ADAMTSL1: variants seen among roughly 807,000 people sequenced by gnomAD.
ADAMTSL1 encodes the protein ADAMTS like 1.
A neutral mutation model predicts 201.8 loss-of-function variants in ADAMTSL1; 126 were observed. The observed-to-expected ratio is 0.62, with a 90% CI of 0.54 to 0.72. The LOEUF (loss-of-function observed/expected upper bound fraction) is 0.72, where lower values mean the gene tolerates loss of function less well. ADAMTSL1 is among the 30% of genes least tolerant of loss of function. The probability of loss-of-function intolerance (pLI) is 0.00; values close to 1 mark genes in which losing one functional copy is unlikely to be tolerated. For synonymous variants in ADAMTSL1, 1,121 were observed against 903.4 expected, an observed-to-expected ratio of 1.24 and a Z score of -4.32; for missense variants, 2,679 against 2,277.8, an observed-to-expected ratio of 1.18 and a Z score of -3.59.
chr9:18,848,412 A>G (rs1415399353), intron 23 of ADAMTSL1, among the ~76,000 whole-genome samples: 2 of 152,216 alleles, frequency 1.3e-5, no homozygotes, highest in South Asian at 4.1e-4. Context: ...CTGACATTCA[A>G]GGTTCTTTGC....
At chr9:18,666,849 A>G (rs997823157) in intron 9 of ADAMTSL1, among the ~76,000 whole-genome samples, 1 of 152,026 alleles carries the variant, frequency 6.6e-6, no homozygotes, top group Admixed American at 6.6e-5. Flanking sequence ...TTAGCCTTAC[A>G]TATCTTAATC....
At chr9:18,176,007 C>CA (rs57982328) in intron 2 of ADAMTSL1, among the ~76,000 whole-genome samples, 1,769 of 62,522 alleles carry the variant, frequency 0.028, 197 homozygotes, top group African/African-American at 0.11. Context: ...AGAGGGAAAG[C>CA]AAAAAAAAAA....
At chr9:18,253,781 G>A (rs746567583) in intron 2 of ADAMTSL1, among the ~76,000 whole-genome samples, 3 of 151,898 alleles carry the variant, frequency 2.0e-5, no homozygotes, top group Non-Finnish European at 2.9e-5. Flanking sequence ...CATAATTTCC[G>A]GAGATCTCCC....
At chr9:18,566,622 A>C (rs1821912831) in intron 3 of ADAMTSL1, among the ~76,000 whole-genome samples, 1 of 152,196 alleles carries the variant, frequency 6.6e-6, no homozygotes, top group African/African-American at 2.4e-5. Context: ...AATTCCAGGC[A>C]GAAGGGATGG....
At chr9:18,536,681 A>G (rs188935182) in intron 3 of ADAMTSL1, among the ~76,000 whole-genome samples, 1 of 152,308 alleles carries the variant, frequency 6.6e-6, no homozygotes, top group East Asian at 1.9e-4. Context: ...ATTCTAAGGA[A>G]GCAGCAAGGT....
At chr9:18,082,249 A>C (rs1211322557) in intron 1 of ADAMTSL1, among the ~76,000 whole-genome samples, 2 of 152,208 alleles carry the variant, frequency 1.3e-5, no homozygotes, top group Non-Finnish European at 2.9e-5. Flanking sequence ...TGCCCATATT[A>C]AGTTTTGAAG....
At chr9:18,291,745 TCTCA>T (rs1257150366) in intron 2 of ADAMTSL1, among the ~76,000 whole-genome samples, 519 of 110,984 alleles carry the variant, frequency 4.7e-3, no homozygotes, top group Non-Finnish European at 5.9e-3. Context: ...TCTCTCTCTC[TCTCA>T]CACACACACA....
In ADAMTSL1 at chr9:18,844,726, G is replaced by A. The variant is rs566498064; in HGVS notation, c.4249+14749G>A. On this transcript the variant is annotated intron_variant, in intron 23 of 28. Transcript: ENST00000380548. ...CTTCCTGGCTGCTTTGTTTACCTAA[G>A]CAAGCCTGGGCAATGGCGGGCGCCC... Among the ~76,000 whole-genome samples the A allele has an allele frequency of 2.8e-4, 43 of 152,332 alleles. 1 individual carries two copies. The highest frequency in any genetic ancestry group is 9.9e-4 in the African/African-American group (41 of 41,588).
chr9:17,992,254 G>A (rs1463787667), intron 1 of ADAMTSL1, among the ~76,000 whole-genome samples: 1 of 152,094 alleles, frequency 6.6e-6, no homozygotes, highest in East Asian at 1.9e-4. Context: ...GACACCTCTT[G>A]CTGGGTGTCA....
Position 18,096,980 on chromosome 9 carries a change from C to A in ADAMTSL1, c.88-66882C>A, listed in dbSNP as rs566116442. ...ATAAAAGGCATCCATTGTAAGTATG[C>A]TTTTGGATGAGATTTCTTAAATGTA... On this transcript the variant is annotated intron_variant, in intron 1 of 29. Transcript: ENST00000680146. Among the ~76,000 whole-genome samples, 5 of 152,246 alleles carry A rather than the reference C, an allele frequency of 3.3e-5. No individual in the cohort carries two copies. In the South Asian group the frequency reaches 1.0e-3, roughly 32 times the overall value.
intron 2 of ADAMTSL1, among the ~76,000 whole-genome samples, chr9:18,515,749 C>G (rs1454734550): frequency 1.3e-5 from 2 of 152,116 alleles, no homozygotes; most frequent in Non-Finnish European, 2.9e-5. Context: ...GGGGATTGCC[C>G]TAGGTACTAC....
At chr9:18,695,018 C>T (rs12554532) in intron 13 of ADAMTSL1, among the ~76,000 whole-genome samples, 2 of 152,250 alleles carry the variant, frequency 1.3e-5, no homozygotes, top group African/African-American at 2.4e-5. Flanking sequence ...CTTGCACCTT[C>T]TGGAGCAGAT....
At chr9:18,185,695 C>G (rs1828701512) in intron 2 of ADAMTSL1, among the ~76,000 whole-genome samples, 1 of 151,984 alleles carries the variant, frequency 6.6e-6, no homozygotes, top group Non-Finnish European at 1.5e-5. Flanking sequence ...CTGTCTAAAT[C>G]AATTTGGTAT....
chr9:18,098,947 G>C lies in ADAMTSL1; in HGVS notation c.88-64915G>C, dbSNP rs866489830. Among the ~76,000 whole-genome samples the C allele has an allele frequency of 2.7e-4, 41 of 152,268 alleles. No homozygotes were observed. In the Middle Eastern group the frequency reaches 0.01, roughly 38 times the overall value. ...ACTTTGTGAGTTTCCCTCCCCTAAA[G>C]ATTACAGTTTTGTGCTGTCTGTTGA... On this transcript the variant is annotated intron_variant, in intron 1 of 29. Coordinates refer to the ADAMTSL1 transcript ENST00000680146.
intron 5 of ADAMTSL1, among the ~76,000 whole-genome samples, chr9:18,635,236 A>C (rs1487740425): frequency 6.6e-6 from 1 of 152,150 alleles, no homozygotes; most frequent in African/African-American, 2.4e-5. Context: ...TTTGAGATGC[A>C]TGTAATATAG....
At chr9:18,160,040 A>G (rs1452643417) in intron 1 of ADAMTSL1, among the ~76,000 whole-genome samples, 1 of 152,038 alleles carries the variant, frequency 6.6e-6, no homozygotes, top group African/African-American at 2.4e-5. Flanking sequence ...TGATTGATCA[A>G]TCAGTCCCAT....
At chr9:18,243,704 A>G (rs1177079283) in intron 2 of ADAMTSL1, among the ~76,000 whole-genome samples, 3 of 151,772 alleles carry the variant, frequency 2.0e-5, no homozygotes, top group African/African-American at 7.2e-5. Context: ...ACATCTTGGT[A>G]AACATTTTTC....
In ADAMTSL1 at chr9:18,159,498, C is replaced by T. The variant is rs112342716; in HGVS notation, c.88-4364C>T. Among the ~76,000 whole-genome samples the T allele has an allele frequency of 1.4e-4, 22 of 152,098 alleles. 1 individual carries two copies. Among genetic ancestry groups the T allele is most frequent in the African/African-American group, 3.1e-4 (13 of 41,524 alleles). On this transcript the variant is annotated intron_variant, in intron 1 of 29. Coordinates refer to the ADAMTSL1 transcript ENST00000680146. The stretch of plus-strand genomic sequence containing the variant: ...CAGAGTTGTAAGAACTTTATAGCTA[C>T]GTGGAATTTCTATTCATAATCAGCT...
intron 9 of ADAMTSL1, among the ~76,000 whole-genome samples, chr9:18,670,398 G>C (rs1024592655): frequency 2.0e-5 from 3 of 152,304 alleles, no homozygotes; most frequent in Middle Eastern, 6.8e-3. Context: ...CAGGATGGAA[G>C]CATAGTCACT....
Sources: allele counts gnomAD v4.1 joint callset (sites outside exome capture counted in the v4.1 genomes callset), GRCh38; gene constraint gnomAD v4.1.1; transcripts MANE v1.5; gene names NCBI Gene and HGNC (gene_info 2026-07-23, HGNC 2026-07-21).